C2orf66: variants seen among roughly 807,000 people sequenced by gnomAD.
C2orf66 encodes the protein uncharacterized protein C2orf66.
C2orf66 carries 6 observed loss-of-function variants against 7.0 expected under a neutral mutation model. The observed-to-expected ratio is 0.86, with a 90% CI of 0.47 to 1.69. The LOEUF (loss-of-function observed/expected upper bound fraction) is 1.69, where lower values mean the gene tolerates loss of function less well. Among genes scored for constraint, C2orf66 ranks in the 40% most tolerant of loss-of-function variants. The probability of loss-of-function intolerance (pLI) is 0.01; values close to 1 mark genes in which losing one functional copy is unlikely to be tolerated. For missense variants in C2orf66, 107 were observed against 112.0 expected (o/e 0.96, Z 0.20); for synonymous variants, 38 against 43.8 (o/e 0.87, Z 0.52).
At chr2:196,813,553 G>A (rs1056519179), upstream of C2orf66, among the ~76,000 whole-genome samples, 1 of 152,156 alleles carries the variant, frequency 6.6e-6, no homozygotes, top group Non-Finnish European at 1.5e-5. Context: ...AAAAGCAATG[G>A]CAACAAAAGC....
At chr2:196,825,791 CT>C in the C2orf66 span, among the ~76,000 whole-genome samples, 1 of 152,264 alleles carries the variant, frequency 6.6e-6, no homozygotes, top group South Asian at 2.1e-4. Flanking sequence ...GACACTAATG[CT>C]CTCACACATT....
chr2:196,824,953 G>A, the C2orf66 span, among the ~76,000 whole-genome samples: 1 of 152,282 alleles, frequency 6.6e-6, no homozygotes, highest in Non-Finnish European at 1.5e-5. Flanking sequence ...GGGTAAAGGG[G>A]CTGAGCATGG....
chr2:196,828,875 G>A, the C2orf66 span, among the ~76,000 whole-genome samples: 2 of 152,098 alleles, frequency 1.3e-5, no homozygotes, highest in South Asian at 2.1e-4. Context: ...GACAACAAAC[G>A]GAATGAGCCT....
chr2:196,811,486 G>T (rs1200201501), upstream of C2orf66, among the ~76,000 whole-genome samples: 1 of 152,116 alleles, frequency 6.6e-6, no homozygotes, highest in Non-Finnish European at 1.5e-5. Context: ...GATTGTTAAT[G>T]TACTGGGTAC....
chr2:196,817,375 C>T, the C2orf66 span, among the ~76,000 whole-genome samples: 1 of 151,910 alleles, frequency 6.6e-6, no homozygotes, highest in Non-Finnish European at 1.5e-5. Flanking sequence ...GCTGGGACCA[C>T]AGGCGCCTGC....
the C2orf66 span, among the ~76,000 whole-genome samples, chr2:196,817,707 C>T: frequency 1.1e-3 from 162 of 152,212 alleles, no homozygotes; most frequent in East Asian, 0.019. Context: ...ATAAGACAGA[C>T]ACTCCCAGAG....
At chr2:196,820,164 T>C in the C2orf66 span, among the ~76,000 whole-genome samples, 1 of 152,216 alleles carries the variant, frequency 6.6e-6, no homozygotes, top group Admixed American at 6.5e-5. Context: ...GCTAAAGGAG[T>C]TAAAGGACAT....
In C2orf66 at chr2:196,809,206, G is replaced by A; in HGVS notation, c.123+8C>T. The A allele has an allele frequency of 1.2e-6, 2 of 1,613,496 alleles. No individual in the cohort carries two copies. Among genetic ancestry groups the A allele is most frequent in the Non-Finnish European group, 1.7e-6 (2 of 1,179,662 alleles). Reference sequence around the variant, plus strand: ...ATCCTGAAACCCAGGCCCCAAGTGTGTTCTTACCAGATCTCTGTTTCTGGG... The same window carrying A: ...ATCCTGAAACCCAGGCCCCAAGTGTATTCTTACCAGATCTCTGTTTCTGGG... On this transcript the variant is annotated splice_region_variant and intron_variant, in intron 1 of 2. Coordinates refer to ENST00000342506, the MANE Select transcript of C2orf66 (RefSeq NM_213608.3).
At chr2:196,827,569 C>T in the C2orf66 span, among the ~76,000 whole-genome samples, 2,145 of 152,204 alleles carry the variant, frequency 0.014, 47 homozygotes, top group African/African-American at 0.05. Context: ...AGCCAGGAAA[C>T]GAAGAGAAAG....
At chr2:196,809,082 A>C (rs920060180) in intron 1 of C2orf66, 132 bp downstream of exon 1, 4 of 967,674 alleles carry the variant, frequency 4.1e-6, no homozygotes, top group Non-Finnish European at 6.1e-6. Context: ...CTCTGGTCCA[A>C]TCCTGTTGGA....
chr2:196,825,379 G>A, the C2orf66 span, among the ~76,000 whole-genome samples: 1 of 152,060 alleles, frequency 6.6e-6, no homozygotes, highest in African/African-American at 2.4e-5. Flanking sequence ...TCACATGTTA[G>A]AATGACTATA....
chr2:196,830,425 C>G, the C2orf66 span, among the ~76,000 whole-genome samples: 1 of 152,182 alleles, frequency 6.6e-6, no homozygotes, highest in South Asian at 2.1e-4. Context: ...AAGAACAGCT[C>G]TCCTAATCAT....
the C2orf66 span, among the ~76,000 whole-genome samples, chr2:196,827,496 C>T: frequency 7.9e-5 from 12 of 152,204 alleles, no homozygotes; most frequent in Non-Finnish European, 1.5e-4. Flanking sequence ...CAATCCTGTA[C>T]ACCACCTTCT....
At chr2:196,818,883 C>T in the C2orf66 span, among the ~76,000 whole-genome samples, 2 of 152,240 alleles carry the variant, frequency 1.3e-5, no homozygotes, top group African/African-American at 2.4e-5. Flanking sequence ...CAAGGTCTCA[C>T]AGCTGAGGTA....
At chr2:196,824,025 T>C in the C2orf66 span, among the ~76,000 whole-genome samples, 9 of 152,274 alleles carry the variant, frequency 5.9e-5, no homozygotes, top group South Asian at 1.9e-3. Flanking sequence ...CAAGGAAGGT[T>C]GTGGACATAC....
intron 1 of C2orf66, among the ~76,000 whole-genome samples, chr2:196,808,301 T>G (rs1046473223): frequency 6.6e-6 from 1 of 152,148 alleles, no homozygotes; most frequent in African/African-American, 2.4e-5. Context: ...AAGGGATGGG[T>G]TAATGCAAAC....
upstream of C2orf66, among the ~76,000 whole-genome samples, chr2:196,811,079 G>A (rs890983452): frequency 6.6e-6 from 1 of 152,196 alleles, no homozygotes; most frequent in African/African-American, 2.4e-5. Context: ...CAGGCAACCT[G>A]AGGAAGACAG....
chr2:196,806,350 A>C (rs1449814714), intron 2 of C2orf66, among the ~76,000 whole-genome samples: 3 of 152,112 alleles, frequency 2.0e-5, no homozygotes, highest in African/African-American at 7.2e-5. Context: ...GGCACTGGCC[A>C]CCACGCCCAT....
At chr2:196,813,441 A>G (rs1049626081), upstream of C2orf66, among the ~76,000 whole-genome samples, 10 of 152,222 alleles carry the variant, frequency 6.6e-5, no homozygotes, top group African/African-American at 2.4e-4. Context: ...GATGGATAAA[A>G]GACTTAAACG....
Sources: gnomAD v4.1 joint callset for allele counts (sites outside exome capture counted in the v4.1 genomes callset) on GRCh38, gnomAD v4.1.1 for gene constraint, MANE v1.5 for transcripts, NCBI Gene and HGNC (gene_info 2026-07-23, HGNC 2026-07-21) for gene names.